Variants in MEIS2 observed in about 807,000 individuals in gnomAD.
MEIS2 encodes homeobox protein Meis2.
In MEIS2, 9 loss-of-function variants were observed where a neutral mutation model predicts 58.6. That is an observed-to-expected ratio of 0.15 (90% CI 0.09 to 0.27). The LOEUF (loss-of-function observed/expected upper bound fraction) is 0.27. Among genes scored for constraint, MEIS2 ranks in the 10% least tolerant of loss-of-function variants. The pLI, the probability that MEIS2 is intolerant of heterozygous loss-of-function variation, is 1.00. For synonymous variants in MEIS2, 221 were observed against 228.4 expected (o/e 0.97, Z 0.29); for missense variants, 427 against 635.0 (o/e 0.67, Z 3.52).
chr15:37,093,640 C>A lies in MEIS2; in HGVS notation c.580G>T (p.Gly194Cys), dbSNP rs571091781. ...PIDLVIDERD[G>C]SSKSDHEELS... ...TCTTCATGATCTGACTTGGAGCTGC[C>A]GTCTCTTTCATCAATGACGAGGTCG... The change falls in exon 6 of 12, where the codon GGC (glycine) becomes TGC (cysteine). Residue 194 changes from glycine (G) to cysteine (C), a missense_variant. Physicochemically the swap from Gly to Cys is radical, Grantham distance 159 (BLOSUM62 -3). Transcript: ENST00000561208. 1.2e-6 allele frequency: 2 copies of A among 1,614,106 alleles called. No homozygotes were observed.
At chr15:36,972,793 G>A (rs2141473364) in intron 8 of MEIS2, 1 of 152,114 alleles carries the variant, frequency 6.6e-6, no homozygotes, top group East Asian at 1.9e-4. Flanking sequence ...ACAATTCATA[G>A]AGATACACTT....
chr15:37,022,611 A>G (rs1191681369), intron 8 of MEIS2, among the ~76,000 whole-genome samples: 2 of 151,966 alleles, frequency 1.3e-5, no homozygotes, highest in Admixed American at 1.3e-4. Context: ...GAATGGACCT[A>G]TTCATCTTTT....
rs764528465 is a variant in MEIS2, at chr15:36,892,464, A to T, written c.1148-5T>A. ...CCCCTGGCATGCTCTGCAAACCTGA[A>T]AATAGAGAGGGAAAAAGAAAGCGGG... On this transcript the variant is annotated splice_region_variant and splice_polypyrimidine_tract_variant and intron_variant, in intron 11 of 11. Coordinates refer to ENST00000561208, the MANE Select transcript of MEIS2 (RefSeq NM_170675.5). 6.2e-7 allele frequency: 1 copy of T among 1,611,706 alleles called. No individual in the cohort carries two copies. The highest frequency in any genetic ancestry group is 1.7e-5 in the Admixed American group (1 of 59,648).
rs114158111 is a variant in MEIS2 at position 37,008,099 on chromosome 15, C to T, written c.900+28715G>A. On this transcript the variant is annotated intron_variant, in intron 8 of 11. Coordinates refer to ENST00000561208, the MANE Select transcript of MEIS2 (RefSeq NM_170675.5). ...ATGCTACCATTATCCTGAATATAGC[C>T]GGTCAATGAAAGAATGTTTAAAGAA... Among the ~76,000 whole-genome samples the T allele has an allele frequency of 2.7e-3, 417 of 152,140 alleles. 2 individuals are homozygous for T. The highest frequency in any genetic ancestry group is 9.3e-3 in the African/African-American group (388 of 41,508).
intron 9 of MEIS2, among the ~76,000 whole-genome samples, chr15:36,911,186 A>G (rs1293667586): frequency 6.6e-6 from 1 of 152,202 alleles, no homozygotes; most frequent in Non-Finnish European, 1.5e-5. Context: ...TATTTTTAAA[A>G]AAAAGATCAT....
At chr15:37,024,071 T>C (rs574516970) in intron 8 of MEIS2, among the ~76,000 whole-genome samples, 1 of 152,084 alleles carries the variant, frequency 6.6e-6, no homozygotes, top group South Asian at 2.1e-4. Flanking sequence ...CTAATTTTTG[T>C]ATTTTTAGTA....
chr15:37,015,659 G>A (rs74008832), intron 8 of MEIS2, among the ~76,000 whole-genome samples: 1,787 of 152,192 alleles, frequency 0.012, 40 homozygotes, highest in African/African-American at 0.04. Context: ...AGGCCTGGAT[G>A]CTCTAGGAAA....
At chr15:36,905,424 AC>A (rs1595690359) in intron 9 of MEIS2, among the ~76,000 whole-genome samples, 1 of 151,992 alleles carries the variant, frequency 6.6e-6, no homozygotes, top group East Asian at 1.9e-4. Context: ...TCTTGCTTTA[AC>A]CTACATCACC....
intron 9 of MEIS2, among the ~76,000 whole-genome samples, chr15:36,940,180 A>G (rs908889154): frequency 2.0e-5 from 3 of 152,138 alleles, no homozygotes; most frequent in Admixed American, 6.5e-5. Context: ...CCCCATTTCC[A>G]GGAAAATCTA....
chr15:37,048,991 T>C (rs1268436791), intron 7 of MEIS2, among the ~76,000 whole-genome samples: 4 of 152,200 alleles, frequency 2.6e-5, no homozygotes, highest in Non-Finnish European at 4.4e-5. Flanking sequence ...AAACTTTGAA[T>C]TTTTGTTTAA....
intron 7 of MEIS2, among the ~76,000 whole-genome samples, chr15:37,045,682 C>T (rs2062633733): frequency 6.6e-6 from 1 of 152,124 alleles, no homozygotes; most frequent in African/African-American, 2.4e-5. Context: ...GTGAGACCTG[C>T]TAATTACTGA....
intron 7 of MEIS2, among the ~76,000 whole-genome samples, chr15:37,068,008 A>G (rs1466246190): frequency 6.6e-6 from 1 of 152,162 alleles, no homozygotes; most frequent in African/African-American, 2.4e-5. Context: ...ATAGATGCCC[A>G]ACCCAGCACA....
At chr15:36,935,807 T>G (rs1233636117) in intron 9 of MEIS2, among the ~76,000 whole-genome samples, 1 of 152,064 alleles carries the variant, frequency 6.6e-6, no homozygotes, top group Admixed American at 6.5e-5. Flanking sequence ...TTTTTTTAAA[T>G]AAAATTAGAG....
intron 8 of MEIS2, among the ~76,000 whole-genome samples, chr15:37,001,001 C>T (rs2060707183): frequency 6.6e-6 from 1 of 152,166 alleles, no homozygotes; most frequent in Non-Finnish European, 1.5e-5. Context: ...ATGACTTCCT[C>T]ACGACCAAAT....
chr15:37,053,625 G>GA (rs1240398273), intron 7 of MEIS2, among the ~76,000 whole-genome samples: 1 of 151,986 alleles, frequency 6.6e-6, no homozygotes, highest in Non-Finnish European at 1.5e-5. Context: ...TTATTTGGGA[G>GA]AAAAAATTCT....
Position 36,889,714 on chromosome 15 carries a change from G to A in MEIS2, c.*2459C>T, listed in dbSNP as rs188744477. The stretch of plus-strand genomic sequence containing the variant: ...ATTTACTGAGTGGAAAGAAAAAAAG[G>A]TTCTTTTTCCCACCTGATGTGAGAG... On this transcript the variant is annotated 3_prime_UTR_variant, in exon 12 of 12. Coordinates refer to ENST00000561208, the MANE Select transcript of MEIS2 (RefSeq NM_170675.5). The A allele has an allele frequency of 2.6e-4, 40 of 152,220 alleles. No homozygotes were observed. Among genetic ancestry groups the A allele is most frequent in the Admixed American group, 1.7e-3 (26 of 15,286 alleles). The allele number at this position is 152,220 out of a possible 1,614,324, so 9.4% of individuals were successfully genotyped here. A position where few individuals can be genotyped will look rare whatever the true frequency, so the allele number is the denominator to read the frequency against.
rs1389748745 is a variant in MEIS2, at chr15:37,016,025, T to C, written c.900+20789A>G. On this transcript the variant is annotated intron_variant, in intron 8 of 11. Transcript: ENST00000561208. ...CCTTTCCCCCTTCTTTCCCCAACCATTGGTAAAAATCACCCAGTATTCTTT... is the reference window on the plus strand; with the variant it reads ...CCTTTCCCCCTTCTTTCCCCAACCACTGGTAAAAATCACCCAGTATTCTTT... Among the ~76,000 whole-genome samples, 3 of 152,032 alleles carry C rather than the reference T, an allele frequency of 2.0e-5. No homozygotes were observed. The East Asian group carries it at 5.8e-4, about 29-fold the overall frequency.
chr15:37,012,380 G>A (rs553430602), intron 8 of MEIS2, among the ~76,000 whole-genome samples: 8 of 152,314 alleles, frequency 5.3e-5, no homozygotes, highest in African/African-American at 1.9e-4. Context: ...TGAATGAAGA[G>A]ATGCACTATT....
intron 9 of MEIS2, among the ~76,000 whole-genome samples, chr15:36,912,575 C>T (rs1435809506): frequency 1.3e-5 from 2 of 151,946 alleles, no homozygotes; most frequent in Non-Finnish European, 2.9e-5. Context: ...TTTTTGAACA[C>T]CAGAAGGGAT....
Sources: allele counts gnomAD v4.1 joint callset (sites outside exome capture counted in the v4.1 genomes callset), GRCh38; gene constraint gnomAD v4.1.1; transcripts MANE v1.5; gene names NCBI Gene and HGNC (gene_info 2026-07-23, HGNC 2026-07-21).